Variants in CCR2 observed in about 807,000 individuals in gnomAD.
CCR2 encodes C-C chemokine receptor type 2.
For missense variants in CCR2, 408 were observed against 440.0 expected (o/e 0.93, Z 0.65); for synonymous variants, 183 against 177.1 (o/e 1.03, Z -0.27).
chr3:46,355,130 A>G (rs1701428785), intron 1 of CCR2, among the ~76,000 whole-genome samples: 1 of 152,244 alleles, frequency 6.6e-6, no homozygotes, highest in African/African-American at 2.4e-5. Flanking sequence ...AAATAGAAGC[A>G]TAATCCAGTC....
rs757249994 is a variant in CCR2 at position 46,358,471 on chromosome 3, A to C, written c.944A>C (p.Tyr315Ser). 15 of 1,613,684 alleles carry C rather than the reference A, an allele frequency of 9.3e-6. No individual in the cohort carries two copies. In the South Asian group the frequency reaches 1.6e-4, roughly 18 times the overall value. Residue 315 changes from tyrosine (Y) to serine (S), a missense_variant, in exon 2 of 2, where the codon TAT (tyrosine) becomes TCT (serine). Physicochemically the swap from Tyr to Ser is moderately radical, Grantham distance 144. Coordinates refer to ENST00000445132, the MANE Select transcript of CCR2 (RefSeq NM_001123396.4). ...TTCGTTGGGGAGAAGTTCAGAAGGT[A>C]TCTCTCGGTGTTCTTCCGAAAGCAC... The part of the protein sequence containing the change: ...YAFVGEKFRR[Y>S]LSVFFRKHIT...
rs1701482727 is a variant in CCR2, at chr3:46,357,822, G to T, written c.295G>T (p.Ala99Ser). The change falls in exon 2 of 2, where the codon GCT (alanine) becomes TCT (serine). Residue 99 changes from alanine to serine, a missense_variant. Physicochemically the swap from Ala to Ser is moderately conservative, Grantham distance 99. Coordinates refer to ENST00000445132, the MANE Select transcript of CCR2 (RefSeq NM_001123396.4). ...LLFLITLPLWAHSAANEWVFG... is the reference protein window; with the variant it reads ...LLFLITLPLWSHSAANEWVFG... ...TTTTCTTATTACTCTCCCATTGTGG[G>T]CTCACTCTGCTGCAAATGAGTGGGT... The T allele has an allele frequency of 6.2e-7, 1 of 1,614,028 alleles. No individual in the cohort carries two copies. Among genetic ancestry groups the T allele is most frequent in the South Asian group, 1.1e-5 (1 of 91,074 alleles).
At position 46,358,657 on chromosome 3, in the gene CCR2, G is replaced by A. The variant is rs779941455; in HGVS notation, c.*47G>A. The A allele has an allele frequency of 1.3e-6, 2 of 1,519,142 alleles. No individual in the cohort carries two copies. The highest frequency in any genetic ancestry group is 8.8e-7 in the Non-Finnish European group (1 of 1,131,374). The allele number at this position is 1,519,142 out of a possible 1,614,324, so 94.1% of individuals were successfully genotyped here. The stretch of plus-strand genomic sequence containing the variant: ...TGTTTATAAAGGGAGATAACAATCT[G>A]TATATAACAACAAACTTCAAGGGTT... On this transcript the variant is annotated 3_prime_UTR_variant, in exon 2 of 2. Coordinates refer to ENST00000445132, the MANE Select transcript of CCR2 (RefSeq NM_001123396.4).
rs751927033 is a variant in CCR2, at chr3:46,360,390, T to A, written c.*1780T>A. On this transcript the variant is annotated 3_prime_UTR_variant, in exon 2 of 2. Coordinates refer to ENST00000445132, the MANE Select transcript of CCR2 (RefSeq NM_001123396.4). ...TGGATCTCCATTCTCTCAGGCTTGC[T>A]GCCAAAAGCCTTTTGTGTTTTGTTT... The A allele has an allele frequency of 6.5e-6, 1 of 153,244 alleles. No homozygotes were observed. The highest frequency in any genetic ancestry group is 1.5e-5 in the Non-Finnish European group (1 of 68,806). The allele number at this position is 153,244 out of a possible 1,614,324, so 9.5% of individuals were successfully genotyped here.
chr3:46,358,094 C>T lies in CCR2; in HGVS notation c.567C>T (p.Val189=). 1 of 1,614,182 alleles carries T rather than the reference C, an allele frequency of 6.2e-7. No homozygotes were observed. ...GCCAGAAAGAAGATTCTGTTTATGT[C>T]TGTGGCCCTTATTTTCCACGAGGAT... ...TKCQKEDSVY[V]CGPYFPRGWN... The change falls in exon 2 of 2, where the codon GTC becomes GTT. Residue 189 remains valine, a synonymous_variant. Transcript: ENST00000445132.
intron 1 of CCR2, among the ~76,000 whole-genome samples, chr3:46,356,000 T>C (rs2106715096): frequency 6.6e-6 from 1 of 152,286 alleles, no homozygotes; most frequent in Non-Finnish European, 1.5e-5. Flanking sequence ...GAATCCACAA[T>C]CGGAAGGAGT....
chr3:46,355,783 TC>T (rs1473752797), intron 1 of CCR2, among the ~76,000 whole-genome samples: 3 of 152,194 alleles, frequency 2.0e-5, no homozygotes, highest in Admixed American at 2.0e-4. Context: ...CTGTCCTAAG[TC>T]CTTACTCCAT....
Position 46,359,855 on chromosome 3 carries a change from G to T in CCR2, c.*1245G>T, listed in dbSNP as rs757413973. On this transcript the variant is annotated 3_prime_UTR_variant, in exon 2 of 2. Transcript: ENST00000445132. Reference sequence around the variant, plus strand: ...AGCCAGTCTTCAGGACAAAGAAGGAGCCTAGAGACAGAAATGACAGATCTC... The same window carrying T: ...AGCCAGTCTTCAGGACAAAGAAGGATCCTAGAGACAGAAATGACAGATCTC... 1.9e-6 allele frequency: 3 copies of T among 1,612,490 alleles called. No homozygotes were observed. Among genetic ancestry groups the T allele is most frequent in the Admixed American group, 3.4e-5 (2 of 59,520 alleles).
rs1247269230 is a variant in CCR2, at chr3:46,358,221, T to C, written c.694T>C (p.Cys232Arg). Reference sequence around the variant, plus strand: ...GGGAATCCTGAAAACCCTGCTTCGGTGTCGAAACGAGAAGAAGAGGCATAG... The same window carrying C: ...GGGAATCCTGAAAACCCTGCTTCGGCGTCGAAACGAGAAGAAGAGGCATAG... ...YSGILKTLLR[C>R]RNEKKRHRAV... The change falls in exon 2 of 2, where the codon TGT becomes CGT. Residue 232 changes from cysteine to arginine, a missense_variant. Transcript: ENST00000445132. 6.2e-7 allele frequency: 1 copy of C among 1,614,182 alleles called. No homozygotes were observed.
Position 46,357,985 on chromosome 3 carries a change from C to T in CCR2, c.458C>T (p.Thr153Met), listed in dbSNP as rs370278890. ...VHAVFALKAR[T>M]VTFGVVTSVI... ...GCTGTGTTTGCTTTAAAAGCCAGGA[C>T]GGTCACCTTTGGGGTGGTGACAAGT... Residue 153 changes from threonine to methionine, a missense_variant, in exon 2 of 2, where the codon ACG becomes ATG. Thr to Met is a moderately conservative substitution (Grantham distance 81). Transcript: ENST00000445132. 35 of 1,614,056 alleles carry T rather than the reference C, an allele frequency of 2.2e-5. No homozygotes were observed. The highest frequency in any genetic ancestry group is 1.1e-4 in the African/African-American group (8 of 74,920).
rs372648667 is a variant in CCR2 at position 46,357,550 on chromosome 3, G to A, written c.23G>A (p.Arg8Gln). Residue 8 changes from arginine to glutamine, a missense_variant, in exon 2 of 2, where the codon CGG becomes CAG. Coordinates refer to ENST00000445132, the MANE Select transcript of CCR2 (RefSeq NM_001123396.4). MLSTSRS[R>Q]FIRNTNESGE... ...AACATGCTGTCCACATCTCGTTCTCGGTTTATCAGAAATACCAACGAGAGC... is the reference window on the plus strand; with the variant it reads ...AACATGCTGTCCACATCTCGTTCTCAGTTTATCAGAAATACCAACGAGAGC... The A allele has an allele frequency of 3.5e-5, 57 of 1,613,818 alleles. No individual in the cohort carries two copies. Among genetic ancestry groups the A allele is most frequent in the Middle Eastern group, 1.7e-4 (1 of 6,058 alleles).
chr3:46,356,653 G>A (rs1016537482), intron 1 of CCR2, among the ~76,000 whole-genome samples: 1 of 152,066 alleles, frequency 6.6e-6, no homozygotes, highest in Admixed American at 6.6e-5. Flanking sequence ...TTTAAAACAG[G>A]GGCTTGTTTT....
chr3:46,355,304 C>T (rs1291544397), intron 1 of CCR2, among the ~76,000 whole-genome samples: 1 of 151,856 alleles, frequency 6.6e-6, no homozygotes, highest in African/African-American at 2.4e-5. Flanking sequence ...TAGAAGCTCA[C>T]CAATCATTTT....
chr3:46,355,846 G>T (rs1043508949), intron 1 of CCR2, among the ~76,000 whole-genome samples: 1 of 152,172 alleles, frequency 6.6e-6, no homozygotes, highest in Non-Finnish European at 1.5e-5. Flanking sequence ...AAAGAAATCG[G>T]CACTTGAAGG....
intron 1 of CCR2, among the ~76,000 whole-genome samples, chr3:46,354,553 T>A (rs1575271551): frequency 6.6e-6 from 1 of 152,198 alleles, no homozygotes; most frequent in Non-Finnish European, 1.5e-5. Flanking sequence ...ATGTGTCCCT[T>A]GCCTCAACTC....
chr3:46,356,137 A>C (rs1248162121), intron 1 of CCR2, among the ~76,000 whole-genome samples: 2 of 152,246 alleles, frequency 1.3e-5, no homozygotes, highest in African/African-American at 4.8e-5. Context: ...GATGCAGTGA[A>C]TACATGCATG....
rs1269916276 is a variant in CCR2 at position 46,357,475 on chromosome 3, AG to A, written c.-51-1del. 2.5e-6 allele frequency: 4 copies of A among 1,569,422 alleles called. No individual in the cohort carries two copies. In the African/African-American group the frequency reaches 5.4e-5, roughly 21 times the overall value. ...GGTCATCATTTTGTTCTTTGTTTAC[AG>A]AACAGAGAAAGTGGATTGAACAAGG... On this transcript the variant is annotated splice_acceptor_variant, in intron 1 of 1. Transcript: ENST00000445132. LOFTEE classifies it low-confidence loss of function (5UTR_SPLICE).
At chr3:46,357,098 CT>C (rs1161989986) in intron 1 of CCR2, among the ~76,000 whole-genome samples, 1 of 152,158 alleles carries the variant, frequency 6.6e-6, no homozygotes, top group Non-Finnish European at 1.5e-5. Context: ...TTGTGTCTGT[CT>C]TATCAGGGAA....
rs1311931184 is a variant in CCR2 at position 46,360,557 on chromosome 3, A to G, written c.*1947A>G. ...CTTCTAATCAAAGCTTTTAAACCCT[A>G]TTGGTAAAGAATGGAAGGTGGAGAA... On this transcript the variant is annotated 3_prime_UTR_variant, in exon 2 of 2. Transcript: ENST00000445132. 3.9e-5 allele frequency: 6 copies of G among 152,258 alleles called. 1 individual carries two copies. The East Asian group carries it at 9.6e-4, about 24-fold the overall frequency. 9.4% of individuals were successfully genotyped at this position (152,258 alleles called of 1,614,324 possible).
Sources: allele counts gnomAD v4.1 joint callset (sites outside exome capture counted in the v4.1 genomes callset), GRCh38; gene constraint gnomAD v4.1.1; transcripts MANE v1.5; gene names NCBI Gene and HGNC (gene_info 2026-07-23, HGNC 2026-07-21).